The following KCNH7 variants were observed in gnomAD, a reference collection of about 807,000 sequenced individuals.
KCNH7 encodes the protein voltage-gated inwardly rectifying potassium channel KCNH7.
KCNH7 carries 49 observed loss-of-function variants against 120.8 expected under a neutral mutation model. That is an observed-to-expected ratio of 0.41 (90% CI 0.32 to 0.51). The LOEUF (loss-of-function observed/expected upper bound fraction) is 0.51, where lower values mean the gene tolerates loss of function less well. KCNH7 is among the 20% of genes least tolerant of loss of function. The pLI, the probability that KCNH7 is intolerant of heterozygous loss-of-function variation, is 0.38. For missense variants in KCNH7, 1,097 were observed against 1,446.6 expected (o/e 0.76, Z 3.92); for synonymous variants, 547 against 516.1 (o/e 1.06, Z -0.81).
At chr2:162,528,192 A>G (rs1691780419) in intron 3 of KCNH7, 1 of 152,006 alleles carries the variant, frequency 6.6e-6, no homozygotes, top group Non-Finnish European at 1.5e-5. Flanking sequence ...ACTATTTGCA[A>G]AATATTAGGT....
chr2:162,615,366 A>G (rs1412481262), intron 2 of KCNH7, among the ~76,000 whole-genome samples: 2 of 152,246 alleles, frequency 1.3e-5, no homozygotes, highest in African/African-American at 2.4e-5. Context: ...TTGTAAATAA[A>G]TAGGCAATTA....
At chr2:162,714,907 G>T (rs1687057710) in intron 2 of KCNH7, among the ~76,000 whole-genome samples, 1 of 152,036 alleles carries the variant, frequency 6.6e-6, no homozygotes, top group Non-Finnish European at 1.5e-5. Flanking sequence ...GTAGCCCAGG[G>T]GCCAAACTTT....
At position 162,435,438 on chromosome 2, in the gene KCNH7, C is replaced by T; in HGVS notation, c.1714G>A (p.Ala572Thr). Residue 572 changes from alanine (A) to threonine (T), a missense_variant, in exon 8 of 16, where the codon GCG (alanine) becomes ACG (threonine). Ala to Thr is a moderately conservative substitution (Grantham distance 58, BLOSUM62 0). Transcript: ENST00000332142. Reference sequence around the variant, plus strand: ...TAAGGCCTTTCTACATTCCCAATCGCATACCAAATGCAAGCCAGCCAGTGA... The same window carrying T: ...TAAGGCCTTTCTACATTCCCAATCGTATACCAAATGCAAGCCAGCCAGTGA... ...IAHWLACIWY[A>T]IGNVERPYLT... is the part of the protein sequence containing the mutation. The T allele has an allele frequency of 6.2e-7, 1 of 1,613,808 alleles. No individual in the cohort carries two copies. The highest frequency in any genetic ancestry group is 8.5e-7 in the Non-Finnish European group (1 of 1,179,858).
chr2:162,558,860 G>A (rs534143349), intron 2 of KCNH7, among the ~76,000 whole-genome samples: 9 of 151,388 alleles, frequency 5.9e-5, no homozygotes, highest in Admixed American at 2.6e-4. Flanking sequence ...TCAGGATATC[G>A]AGACCATCCA....
At chr2:162,698,432 TA>T (rs1212554784) in intron 2 of KCNH7, among the ~76,000 whole-genome samples, 2 of 137,824 alleles carry the variant, frequency 1.5e-5, no homozygotes, top group African/African-American at 3.5e-5. Flanking sequence ...TCGCCGTCTT[TA>T]TTTTTTTTTT....
chr2:162,803,919 C>T (rs1397535947), intron 2 of KCNH7, among the ~76,000 whole-genome samples: 4 of 134,618 alleles, frequency 3.0e-5, no homozygotes, highest in Non-Finnish European at 6.5e-5. Context: ...TTCCAATTGT[C>T]TAAAAAAAAA....
intron 6 of KCNH7, among the ~76,000 whole-genome samples, chr2:162,475,380 T>A (rs968156145): frequency 6.6e-6 from 1 of 152,198 alleles, no homozygotes; most frequent in African/African-American, 2.4e-5. Context: ...GAAGATCTGA[T>A]ATTGAACCCT....
intron 2 of KCNH7, chr2:162,797,623 G>C (rs1684190899): frequency 6.6e-6 from 1 of 152,206 alleles, no homozygotes; most frequent in Admixed American, 6.6e-5. Context: ...ATCATGGTTT[G>C]CAAACCCTTG....
intron 2 of KCNH7, among the ~76,000 whole-genome samples, chr2:162,658,110 C>A (rs755451262): frequency 6.6e-6 from 1 of 151,224 alleles, no homozygotes. Context: ...AAGAAGAAGA[C>A]GGCCAACTAT....
At chr2:162,680,694 G>C (rs966555458) in intron 2 of KCNH7, among the ~76,000 whole-genome samples, 4 of 151,714 alleles carry the variant, frequency 2.6e-5, no homozygotes, top group Non-Finnish European at 5.9e-5. Context: ...TGGAGTCAGG[G>C]TCTTGGGTTT....
intron 2 of KCNH7, among the ~76,000 whole-genome samples, chr2:162,792,912 G>A (rs1684007275): frequency 6.6e-6 from 1 of 151,060 alleles, no homozygotes; most frequent in South Asian, 2.1e-4. Flanking sequence ...TGTGATGTTA[G>A]GTTGTTAACT....
At chr2:162,680,009 T>C (rs1201376335) in intron 2 of KCNH7, among the ~76,000 whole-genome samples, 1 of 151,822 alleles carries the variant, frequency 6.6e-6, no homozygotes, top group Admixed American at 6.6e-5. Context: ...ATATGGCATC[T>C]TTCTAGATAA....
rs1685944165 is a variant in KCNH7, at chr2:162,371,482, G to A, written c.*347C>T. 4 of 1,249,880 alleles carry A rather than the reference G, an allele frequency of 3.2e-6. No individual in the cohort carries two copies. The highest frequency in any genetic ancestry group is 4.1e-6 in the Non-Finnish European group (4 of 969,446). 77.4% of individuals were successfully genotyped at this position (1,249,880 alleles called of 1,614,324 possible). Reference sequence around the variant, plus strand: ...CCTTGGTTTCTTATTTGCGTGGAAGGCATTTTCATAACGAAGTACTGGTTT... The same window carrying A: ...CCTTGGTTTCTTATTTGCGTGGAAGACATTTTCATAACGAAGTACTGGTTT... On this transcript the variant is annotated 3_prime_UTR_variant, in exon 16 of 16. Coordinates refer to ENST00000332142, the MANE Select transcript of KCNH7 (RefSeq NM_033272.4).
At chr2:162,791,755 A>T (rs765701608) in intron 2 of KCNH7, among the ~76,000 whole-genome samples, 2 of 152,038 alleles carry the variant, frequency 1.3e-5, no homozygotes, top group Non-Finnish European at 2.9e-5. Flanking sequence ...TTCTCTTCCT[A>T]TTTGGATGTC....
In KCNH7 at chr2:162,642,427, T is replaced by G. The variant is rs547836741; in HGVS notation, c.308-105347A>C. Among the ~76,000 whole-genome samples, 44 of 152,336 alleles carry G rather than the reference T, an allele frequency of 2.9e-4. 1 individual carries two copies. The South Asian group carries it at 8.7e-3, about 30-fold the overall frequency. On this transcript the variant is annotated intron_variant, in intron 2 of 15. Coordinates refer to ENST00000332142, the MANE Select transcript of KCNH7 (RefSeq NM_033272.4). ...CTTGTCTCTGAATCTTGTCTCTGTA[T>G]GTACCATGACCCTATTACAAGGTCT... is the stretch of plus-strand genomic sequence containing the variant.
At chr2:162,704,966 A>G (rs1686643112) in intron 2 of KCNH7, among the ~76,000 whole-genome samples, 1 of 152,182 alleles carries the variant, frequency 6.6e-6, no homozygotes, top group Non-Finnish European at 1.5e-5. Flanking sequence ...AAAGAAATGA[A>G]TTAAGTTTTT....
chr2:162,729,809 G>A (rs542144092), intron 2 of KCNH7, among the ~76,000 whole-genome samples: 4 of 152,050 alleles, frequency 2.6e-5, no homozygotes, highest in East Asian at 1.9e-4. Context: ...TTTATTGGCC[G>A]TTTTCTACAA....
intron 6 of KCNH7, among the ~76,000 whole-genome samples, chr2:162,469,712 C>G (rs552132681): frequency 6.6e-6 from 1 of 151,456 alleles, no homozygotes; most frequent in South Asian, 2.1e-4. Flanking sequence ...CCTCTCCCCA[C>G]GGTCTCCCTC....
At chr2:162,458,772 C>T (rs1383535248) in intron 6 of KCNH7, among the ~76,000 whole-genome samples, 2 of 152,030 alleles carry the variant, frequency 1.3e-5, no homozygotes, top group African/African-American at 2.4e-5. Flanking sequence ...TAGATGCCAA[C>T]AGGAGGACGT....
Sources: allele counts gnomAD v4.1 joint callset (sites outside exome capture counted in the v4.1 genomes callset), GRCh38; gene constraint gnomAD v4.1.1; transcripts MANE v1.5; gene names NCBI Gene and HGNC (gene_info 2026-07-23, HGNC 2026-07-21).